KIAA0753: variants seen among roughly 807,000 people sequenced by gnomAD.
KIAA0753 encodes KIAA0753, also known as protein moonraker.
In KIAA0753, 114 loss-of-function variants were observed where a neutral mutation model predicts 116.9. That is an observed-to-expected ratio of 0.98 (90% CI 0.84 to 1.14). KIAA0753 has a LOEUF of 1.14. Ranked by LOEUF, KIAA0753 falls within the 50% of genes most tolerant of loss-of-function variation. The probability of loss-of-function intolerance (pLI) is 0.00; values close to 1 mark genes in which losing one functional copy is unlikely to be tolerated. For missense variants in KIAA0753, 1,156 were observed against 1,172.4 expected, an observed-to-expected ratio of 0.99 and a Z score of 0.20; for synonymous variants, 405 against 413.1, an observed-to-expected ratio of 0.98 and a Z score of 0.24.
At chr17:6,610,299 C>A (rs1597530314) in intron 8 of KIAA0753, 139 bp from the exon 9 acceptor site, 43 of 487,992 alleles carry the variant, frequency 8.8e-5, no homozygotes, top group South Asian at 2.4e-4. Flanking sequence ...AGCACTGTGG[C>A]AGAAATTTGG....
Position 6,607,925 on chromosome 17 carries a change from C to A in KIAA0753, c.1829+423G>T, listed in dbSNP as rs1056114178. The stretch of plus-strand genomic sequence containing the variant: ...ACCTCTGCAGCCAGAAGTAACCCTC[C>A]CCCGTTTCTAAACTCTCTCAGTTCC... On this transcript the variant is annotated intron_variant, in intron 10 of 18. Coordinates refer to ENST00000361413, the MANE Select transcript of KIAA0753 (RefSeq NM_014804.3). 7.9e-5 allele frequency among the ~76,000 whole-genome samples: 12 copies of A among 152,172 alleles called. No homozygotes were observed. In the East Asian group the frequency reaches 2.1e-3, roughly 27 times the overall value.
intron 18 of KIAA0753, among the ~76,000 whole-genome samples, chr17:6,589,414 C>T (rs1432623465): frequency 1.3e-5 from 2 of 152,210 alleles, no homozygotes; most frequent in East Asian, 1.9e-4. Flanking sequence ...TTGTTTAAGT[C>T]ACGCAGTCGA....
chr17:6,579,587 C>A lies in KIAA0753; in HGVS notation c.*160G>T. ...ACCATTGCCATGACAAAAGAAAATG[C>A]AAAGTGAGGATGACCTCCCCGGCAC... is the stretch of plus-strand genomic sequence containing the variant. On this transcript the variant is annotated 3_prime_UTR_variant, in exon 19 of 19. Coordinates refer to ENST00000361413, the MANE Select transcript of KIAA0753 (RefSeq NM_014804.3). The A allele has an allele frequency of 1.6e-6, 1 of 636,452 alleles. No homozygotes were observed. Among genetic ancestry groups the A allele is most frequent in the Non-Finnish European group, 2.8e-6 (1 of 353,312 alleles). The allele number at this position is 636,452 out of a possible 1,614,324, so 39.4% of individuals were successfully genotyped here. A position where few individuals can be genotyped will look rare whatever the true frequency, so the allele number is the denominator to read the frequency against.
chr17:6,580,243 C>G (rs997726721), intron 18 of KIAA0753, among the ~76,000 whole-genome samples: 8 of 151,766 alleles, frequency 5.3e-5, no homozygotes, highest in African/African-American at 1.9e-4. Flanking sequence ...CATTCTTTTA[C>G]TCAGCTGTGG....
In KIAA0753 at chr17:6,628,615, C is replaced by A. The variant is rs748492774; in HGVS notation, c.220G>T (p.Asp74Tyr). ...HSYNESYHCK[D>Y]ADCRVGPDLG... Reference sequence around the variant, plus strand: ...TCAGGACCAACTCTACAATCTGCATCTTTACAATGGTATGATTCATTGTAT... The same window carrying A: ...TCAGGACCAACTCTACAATCTGCATATTTACAATGGTATGATTCATTGTAT... Residue 74 changes from aspartate to tyrosine, a missense_variant, in exon 3 of 19, where the codon GAT (aspartate) becomes TAT (tyrosine). By Grantham distance (160) the Asp-to-Tyr change is radical (BLOSUM62 -3). Transcript: ENST00000361413. The A allele has an allele frequency of 9.9e-6, 16 of 1,614,206 alleles. No homozygotes were observed. Among genetic ancestry groups the A allele is most frequent in the Non-Finnish European group, 1.4e-5 (16 of 1,180,026 alleles).
rs148231003 is a variant in KIAA0753 at position 6,624,769 on chromosome 17, C to T, written c.811G>A (p.Val271Ile). The T allele has an allele frequency of 4.3e-5, 67 of 1,558,648 alleles. No individual in the cohort carries two copies. The East Asian group carries it at 5.0e-4, about 12-fold the overall frequency. ...QAARSARMLYVLQQQVKEIQE... is the reference protein window; with the variant it reads ...QAARSARMLYILQQQVKEIQE... ...ACTTTTCACACCTGCTGCTGGAGGA[C>T]GTAGAGCATTCGGGCAGAGCGAGCA... Residue 271 changes from valine to isoleucine, a missense_variant, in exon 4 of 19, where the codon GTC (valine) becomes ATC (isoleucine). Physicochemically the swap from Val to Ile is conservative, Grantham distance 29 (BLOSUM62 3). Coordinates refer to ENST00000361413, the MANE Select transcript of KIAA0753 (RefSeq NM_014804.3).
At chr17:6,611,085 A>G (rs972450675) in intron 8 of KIAA0753, among the ~76,000 whole-genome samples, 8 of 152,194 alleles carry the variant, frequency 5.3e-5, no homozygotes, top group African/African-American at 1.9e-4. Flanking sequence ...AATGTCACTA[A>G]TACAATAAGG....
intron 7 of KIAA0753, among the ~76,000 whole-genome samples, chr17:6,615,864 CA>C (rs199720547): frequency 6.6e-6 from 1 of 151,966 alleles, no homozygotes; most frequent in African/African-American, 2.4e-5. Flanking sequence ...TCAGAAGCTG[CA>C]AAAAAACTGC....
chr17:6,620,879 T>C lies in KIAA0753; in HGVS notation c.1224A>G (p.Thr408=). The C allele has an allele frequency of 6.2e-7, 1 of 1,614,190 alleles. No individual in the cohort carries two copies. The highest frequency in any genetic ancestry group is 1.1e-5 in the South Asian group (1 of 91,088). ...SQKALERWPS[T]SPKGERRPLT... is the part of the protein sequence containing the mutation. Reference sequence around the variant, plus strand: ...GGGGCCTCCTCTCACCCTTTGGTGATGTACTTGGCCATCTCTCCAAGGCCT... The same window carrying C: ...GGGGCCTCCTCTCACCCTTTGGTGACGTACTTGGCCATCTCTCCAAGGCCT... The change falls in exon 7 of 19, where the codon ACA becomes ACG. Residue 408 remains threonine, a synonymous_variant. Coordinates refer to ENST00000361413, the MANE Select transcript of KIAA0753 (RefSeq NM_014804.3).
At position 6,608,436 on chromosome 17, in the gene KIAA0753, G is replaced by A. The variant is rs1440981492; in HGVS notation, c.1741C>T (p.Pro581Ser). 7 of 1,557,482 alleles carry A rather than the reference G, an allele frequency of 4.5e-6. No homozygotes were observed. Among genetic ancestry groups the A allele is most frequent in the Non-Finnish European group, 5.2e-6 (6 of 1,146,854 alleles). ...CAAWLKVKTS[P>S]RDATKEPLQQ... ...AGAGGCTCTTTTGTGGCATCTCTGG[G>A]GCTAGTTTTCACCTTTAGCCATGCA... The change falls in exon 10 of 19, where the codon CCC becomes TCC. Residue 581 changes from proline to serine, a missense_variant. Physicochemically the swap from Pro to Ser is moderately conservative, Grantham distance 74. Coordinates refer to ENST00000361413, the MANE Select transcript of KIAA0753 (RefSeq NM_014804.3).
chr17:6,625,874 G>A (rs1190995159), intron 3 of KIAA0753, among the ~76,000 whole-genome samples: 2 of 151,956 alleles, frequency 1.3e-5, no homozygotes, highest in African/African-American at 4.8e-5. Context: ...ACTAATTTTT[G>A]TATCTTTAGT....
intron 18 of KIAA0753, 64 bp downstream of exon 18, chr17:6,589,715 C>G (rs1277107862): frequency 7.8e-7 from 1 of 1,284,332 alleles, no homozygotes; most frequent in Admixed American, 2.1e-5. Flanking sequence ...CTTTCTCCAG[C>G]TTTTTCTAAG....
At position 6,628,118 on chromosome 17, in the gene KIAA0753, T is replaced by G; in HGVS notation, c.717A>C (p.Lys239Asn). Residue 239 changes from lysine to asparagine, a missense_variant and splice_region_variant, in exon 3 of 19, where the codon AAA (lysine) becomes AAC (asparagine). Lys to Asn is a moderately conservative substitution (Grantham distance 94). Transcript: ENST00000361413. ...AGTAAAGAATCTAATTTTTCTCACC[T>G]TTTTTAGTTACCTCTTCAATTTTGT... ...CIHKIEEVTKKDRLEEALDPD... is the reference protein window; with the variant it reads ...CIHKIEEVTKNDRLEEALDPD... 1.9e-6 allele frequency: 3 copies of G among 1,604,450 alleles called. No homozygotes were observed. Among genetic ancestry groups the G allele is most frequent in the Non-Finnish European group, 2.6e-6 (3 of 1,176,060 alleles).
intron 8 of KIAA0753, among the ~76,000 whole-genome samples, chr17:6,610,516 C>CTTTTTTT (rs71157206): frequency 3.5e-5 from 4 of 113,440 alleles, no homozygotes; most frequent in East Asian, 2.5e-4. Flanking sequence ...TTTTCTTTCT[C>CTTTTTTT]TTTTTTTTTT....
At chr17:6,621,019 T>C (rs763942520) in intron 6 of KIAA0753, 21 bp from the exon 7 acceptor site, 14 of 1,608,220 alleles carry the variant, frequency 8.7e-6, no homozygotes, top group Non-Finnish European at 1.2e-5. Flanking sequence ...AACAATCAAT[T>C]ATTCTCTTAG....
Position 6,595,895 on chromosome 17 carries a change from G to C in KIAA0753, c.2358+263C>G, listed in dbSNP as rs147114951. On this transcript the variant is annotated intron_variant, in intron 15 of 18. Coordinates refer to ENST00000361413, the MANE Select transcript of KIAA0753 (RefSeq NM_014804.3). ...TTCGGAATTACACATCAGTGATATCGGGGGATAATAATAATGGTCACTTAC... is the reference window on the plus strand; with the variant it reads ...TTCGGAATTACACATCAGTGATATCCGGGGATAATAATAATGGTCACTTAC... 6.4e-3 allele frequency among the ~76,000 whole-genome samples: 977 copies of C among 152,288 alleles called. 9 individuals carry two copies. Among genetic ancestry groups the C allele is most frequent in the African/African-American group, 0.023 (942 of 41,566 alleles).
chr17:6,584,360 A>G (rs967324454), intron 18 of KIAA0753, among the ~76,000 whole-genome samples: 1 of 152,182 alleles, frequency 6.6e-6, no homozygotes, highest in African/African-American at 2.4e-5. Context: ...CAGCTTTTCT[A>G]TTAACAGTTA....
chr17:6,619,776 T>C (rs1811605017), intron 7 of KIAA0753, among the ~76,000 whole-genome samples: 1 of 152,210 alleles, frequency 6.6e-6, no homozygotes, highest in African/African-American at 2.4e-5. Flanking sequence ...AAAACAAACT[T>C]TACTGGACTT....
rs1395502867 is a variant in KIAA0753 at position 6,640,668 on chromosome 17, G to A, written c.-100C>T. The stretch of plus-strand genomic sequence containing the variant: ...TAGGGTGAGGCGCGGCTACTGGGAG[G>A]CGGGCAACGGGGGCCCCCAACAAGG... On this transcript the variant is annotated 5_prime_UTR_variant, in exon 1 of 19. Transcript: ENST00000361413. The A allele has an allele frequency of 2.5e-5, 4 of 157,914 alleles. No homozygotes were observed. Among genetic ancestry groups the A allele is most frequent in the Non-Finnish European group, 4.2e-5 (3 of 71,368 alleles). The allele number at this position is 157,914 out of a possible 1,614,324, so 9.8% of individuals were successfully genotyped here.
Sources: allele counts gnomAD v4.1 joint callset (sites outside exome capture counted in the v4.1 genomes callset), GRCh38; gene constraint gnomAD v4.1.1; transcripts MANE v1.5; gene names NCBI Gene and HGNC (gene_info 2026-07-23, HGNC 2026-07-21).